Variants in GOLM2 observed in about 807,000 individuals in gnomAD.
GOLM2 encodes the protein golgi membrane protein 2, also known as protein GOLM2.
GOLM2 carries 26 observed loss-of-function variants against 55.9 expected under a neutral mutation model. The observed-to-expected ratio is 0.47, with a 90% CI of 0.34 to 0.65. The LOEUF is 0.65. GOLM2 is among the 30% of genes least tolerant of loss of function. The probability of loss-of-function intolerance (pLI) is 0.01; values close to 1 mark genes in which losing one functional copy is unlikely to be tolerated. For missense variants in GOLM2, 486 were observed against 531.8 expected (o/e 0.91, Z 0.85); for synonymous variants, 165 against 194.6 (o/e 0.85, Z 1.27).
At chr15:44,404,490 G>C (rs1483882096) in intron 9 of GOLM2, among the ~76,000 whole-genome samples, 1 of 151,892 alleles carries the variant, frequency 6.6e-6, no homozygotes, top group Non-Finnish European at 1.5e-5. Flanking sequence ...TGGTAATATT[G>C]ATATTGATAT....
chr15:44,289,491 A>G lies in GOLM2; in HGVS notation c.327+135A>G. The G allele has an allele frequency of 2.6e-6, 2 of 781,248 alleles. No individual in the cohort carries two copies. Among genetic ancestry groups the G allele is most frequent in the East Asian group, 5.4e-5 (2 of 36,890 alleles). 48.4% of individuals were successfully genotyped at this position (781,248 alleles called of 1,614,324 possible). A position where few individuals can be genotyped will look rare whatever the true frequency, so the allele number is the denominator to read the frequency against. ...CTGAAGGCTCCTTTCACCCCCAACAACCCTGTTTCTGTCAGACTTTTCCCA... is the reference window on the plus strand; with the variant it reads ...CTGAAGGCTCCTTTCACCCCCAACAGCCCTGTTTCTGTCAGACTTTTCCCA... On this transcript the variant is annotated intron_variant, in intron 1 of 9. Coordinates refer to ENST00000299957, the MANE Select transcript of GOLM2 (RefSeq NM_138423.4). This position sits in a 1 kb window ranked among gnomAD's most constrained non-coding sequence, Gnocchi z 4.8.
At chr15:44,332,168 C>A in intron 4 of GOLM2, 90 bp downstream of exon 4, 1 of 718,502 alleles carries the variant, frequency 1.4e-6, no homozygotes, top group Non-Finnish European at 2.2e-6. Context: ...TCACAAAACA[C>A]TATATTTTAA....
At chr15:44,337,953 C>CT (rs778500282) in intron 5 of GOLM2, 46 bp downstream of exon 5, 22 of 1,498,478 alleles carry the variant, frequency 1.5e-5, no homozygotes, top group South Asian at 2.5e-5. Context: ...AGGATATTGA[C>CT]TTTTTCTTCC....
Position 44,413,425 on chromosome 15 carries a change from A to G in GOLM2, c.*19A>G, listed in dbSNP as rs768238971. 1.5e-5 allele frequency: 23 copies of G among 1,569,140 alleles called. No individual in the cohort carries two copies. In the East Asian group the frequency reaches 2.0e-4, roughly 14 times the overall value. On this transcript the variant is annotated 3_prime_UTR_variant, in exon 10 of 10. Transcript: ENST00000299957. Reference sequence around the variant, plus strand: ...CCTTTAAGTCCTAAAGGAATGCTTCAGAAAACCTAAAGTGCTGTAAAATGA... The same window carrying G: ...CCTTTAAGTCCTAAAGGAATGCTTCGGAAAACCTAAAGTGCTGTAAAATGA...
At chr15:44,323,561 T>C (rs1302140801) in intron 2 of GOLM2, among the ~76,000 whole-genome samples, 1 of 151,228 alleles carries the variant, frequency 6.6e-6, no homozygotes, top group Non-Finnish European at 1.5e-5. Context: ...ACTACAGCTT[T>C]TATGGAGAAA....
chr15:44,322,980 A>G lies in GOLM2; in HGVS notation c.343A>G (p.Asn115Asp). Residue 115 changes from asparagine (N) to aspartate (D), a missense_variant, in exon 2 of 10, where the codon AAC becomes GAC. By Grantham distance (23) the Asn-to-Asp change is conservative. Coordinates refer to ENST00000299957, the MANE Select transcript of GOLM2 (RefSeq NM_138423.4). ...CEDDKVKLQNNISYQMADIHH... is the reference protein window; with the variant it reads ...CEDDKVKLQNDISYQMADIHH... ...TTTTTTTCAGGTTAAACTACAGAAC[A>G]ACATATCGTATCAGATGGCAGACAT... The G allele has an allele frequency of 6.3e-7, 1 of 1,578,944 alleles. No individual in the cohort carries two copies.
intron 1 of GOLM2, among the ~76,000 whole-genome samples, chr15:44,300,746 C>T (rs2078792153): frequency 6.6e-6 from 1 of 152,186 alleles, no homozygotes; most frequent in Non-Finnish European, 1.5e-5. Flanking sequence ...TTAGCCTCTT[C>T]CTCAAAAGAG....
At chr15:44,297,567 T>G (rs963994324) in intron 1 of GOLM2, among the ~76,000 whole-genome samples, 1 of 151,900 alleles carries the variant, frequency 6.6e-6, no homozygotes, top group African/African-American at 2.4e-5. Flanking sequence ...TTTTTGTTTT[T>G]TTTTTTTTAA....
intron 6 of GOLM2, among the ~76,000 whole-genome samples, chr15:44,339,863 A>G (rs2079079816): frequency 1.3e-5 from 2 of 152,056 alleles, no homozygotes; most frequent in South Asian, 4.1e-4. Flanking sequence ...TCTGTCACCC[A>G]GGCCAGAGTG....
At position 44,356,174 on chromosome 15, in the gene GOLM2, G is replaced by GA. The variant is rs200417914; in HGVS notation, c.802+17867dup. On this transcript the variant is annotated intron_variant, in intron 6 of 9. Coordinates refer to ENST00000299957, the MANE Select transcript of GOLM2 (RefSeq NM_138423.4). ...ATTTAAGTTTCCACCTTAGGAAATT[G>GA]AAAAAAAAAAGGCAAATTAAATCCA... is the stretch of plus-strand genomic sequence containing the variant. Among the ~76,000 whole-genome samples the GA allele has an allele frequency of 4.3e-3, 591 of 138,548 alleles. 2 individuals carry two copies. The highest frequency in any genetic ancestry group is 0.015 in the African/African-American group (555 of 37,866). 90.9% of individuals were successfully genotyped at this position (138,548 alleles called of 152,430 possible).
At chr15:44,342,326 A>G (rs1264147928) in intron 6 of GOLM2, among the ~76,000 whole-genome samples, 1 of 151,696 alleles carries the variant, frequency 6.6e-6, no homozygotes, top group Non-Finnish European at 1.5e-5. Context: ...GTGCAGTGGC[A>G]TGATCATGGC....
intron 8 of GOLM2, among the ~76,000 whole-genome samples, chr15:44,391,385 C>T (rs537181610): frequency 2.0e-4 from 30 of 151,808 alleles, no homozygotes; most frequent in East Asian, 7.8e-4. Flanking sequence ...GTCGTGGTGG[C>T]GGGCGCCTGT....
At chr15:44,408,711 G>A (rs983130642) in intron 9 of GOLM2, among the ~76,000 whole-genome samples, 1 of 152,200 alleles carries the variant, frequency 6.6e-6, no homozygotes, top group African/African-American at 2.4e-5. Context: ...AGGCGCGGTG[G>A]TTCACTCCTG....
At chr15:44,368,312 T>G (rs2079300223) in intron 6 of GOLM2, among the ~76,000 whole-genome samples, 1 of 150,042 alleles carries the variant, frequency 6.7e-6, no homozygotes, top group African/African-American at 2.4e-5. Context: ...TATTTTTTTT[T>G]TTTTTTTTTT....
intron 8 of GOLM2, among the ~76,000 whole-genome samples, chr15:44,393,879 G>A (rs1196394196): frequency 2.6e-5 from 4 of 152,186 alleles, no homozygotes; most frequent in Non-Finnish European, 4.4e-5. Context: ...TTTAGTTAGA[G>A]ATGAGGTTTC....
intron 1 of GOLM2, among the ~76,000 whole-genome samples, chr15:44,320,715 A>G (rs1363333246): frequency 2.6e-5 from 4 of 152,198 alleles, no homozygotes; most frequent in Non-Finnish European, 1.5e-5. Flanking sequence ...TTATATTTTC[A>G]TCTATTTATG....
intron 6 of GOLM2, among the ~76,000 whole-genome samples, chr15:44,339,922 C>G (rs952904496): frequency 6.6e-6 from 1 of 152,108 alleles, no homozygotes; most frequent in Non-Finnish European, 1.5e-5. Flanking sequence ...CGGGCATAAG[C>G]GATCTTCCCA....
chr15:44,412,513 A>G (rs900635096), intron 9 of GOLM2, among the ~76,000 whole-genome samples: 3 of 152,152 alleles, frequency 2.0e-5, no homozygotes, highest in Non-Finnish European at 2.9e-5. Context: ...CAGAGACGTA[A>G]AGAAATTCAC....
At chr15:44,387,007 T>A (rs141647937) in intron 8 of GOLM2, among the ~76,000 whole-genome samples, 1 of 151,868 alleles carries the variant, frequency 6.6e-6, no homozygotes, top group African/African-American at 2.4e-5. Flanking sequence ...AAACCCTGTC[T>A]CTACAAAAAA....
Sources: allele counts gnomAD v4.1 joint callset (sites outside exome capture counted in the v4.1 genomes callset), GRCh38; gene constraint gnomAD v4.1.1; non-coding constraint Gnocchi (gnomAD v3.1); transcripts MANE v1.5; gene names NCBI Gene and HGNC (gene_info 2026-07-23, HGNC 2026-07-21).